The following TEKT5 variants were observed in gnomAD, a reference collection of about 807,000 sequenced individuals.
TEKT5 encodes the protein tektin-5.
In TEKT5, 52 loss-of-function variants were observed where a neutral mutation model predicts 48.7. That is an observed-to-expected ratio of 1.07 (90% CI 0.86 to 1.35). The LOEUF (loss-of-function observed/expected upper bound fraction) is 1.35, where lower values mean the gene tolerates loss of function less well. Among genes scored for constraint, TEKT5 ranks in the 40% most tolerant of loss-of-function variants. The pLI, the probability that TEKT5 is intolerant of heterozygous loss-of-function variation, is 0.00. For synonymous variants in TEKT5, 318 were observed against 267.6 expected (o/e 1.19, Z -1.84); for missense variants, 831 against 641.6 (o/e 1.30, Z -3.19).
At chr16:10,655,596 G>A (rs35037072) in intron 5 of TEKT5, among the ~76,000 whole-genome samples, 10,740 of 152,152 alleles carry the variant, frequency 0.071, 577 homozygotes, top group East Asian at 0.2. Flanking sequence ...CATTTTCCAG[G>A]CTCCCTTGTA....
chr16:10,651,677 C>T (rs1898162011), intron 5 of TEKT5, among the ~76,000 whole-genome samples: 2 of 152,100 alleles, frequency 1.3e-5, no homozygotes, highest in African/African-American at 4.8e-5. Flanking sequence ...CAAGGGTACA[C>T]AGCCGGGTGT....
At chr16:10,666,447 G>A (rs1010759701) in intron 5 of TEKT5, among the ~76,000 whole-genome samples, 2 of 152,186 alleles carry the variant, frequency 1.3e-5, no homozygotes, top group Admixed American at 6.5e-5. Context: ...CGTGTGGGAT[G>A]TTTAGCAGTA....
At chr16:10,672,865 T>A (rs1387647120) in intron 5 of TEKT5, among the ~76,000 whole-genome samples, 1 of 151,918 alleles carries the variant, frequency 6.6e-6, no homozygotes, top group Non-Finnish European at 1.5e-5. Context: ...TTTGTTTTTT[T>A]TTTTTGAGAC....
rs917688945 is a variant in TEKT5, at chr16:10,668,510, T to C, written c.1086+7449A>G. Among the ~76,000 whole-genome samples the C allele has an allele frequency of 2.0e-5, 3 of 152,098 alleles. No homozygotes were observed. In the East Asian group the frequency reaches 5.8e-4, roughly 29 times the overall value. The stretch of plus-strand genomic sequence containing the variant: ...GAATCGGCTGCAAAGCACAAAAGCA[T>C]TTCCCACTGCACAATGGGTTCCAGA... On this transcript the variant is annotated intron_variant, in intron 5 of 6. Transcript: ENST00000283025.
intron 5 of TEKT5, among the ~76,000 whole-genome samples, chr16:10,674,616 A>AG (rs1417582722): frequency 1.6e-4 from 9 of 57,476 alleles, no homozygotes; most frequent in African/African-American, 4.7e-4. Context: ...AGATCATCTC[A>AG]GAAAAAAAAA....
chr16:10,630,780 A>C (rs1897827549), intron 6 of TEKT5, among the ~76,000 whole-genome samples: 1 of 152,180 alleles, frequency 6.6e-6, no homozygotes, highest in Non-Finnish European at 1.5e-5. Flanking sequence ...GCACTTTGGG[A>C]GGCTGAGGCG....
intron 3 of TEKT5, among the ~76,000 whole-genome samples, chr16:10,685,567 G>C (rs986773894): frequency 2.0e-5 from 3 of 152,074 alleles, no homozygotes; most frequent in Non-Finnish European, 2.9e-5. Context: ...AAAGTGCTGG[G>C]ATTACAGACA....
At chr16:10,636,657 C>T (rs1897917190) in intron 5 of TEKT5, among the ~76,000 whole-genome samples, 1 of 150,516 alleles carries the variant, frequency 6.6e-6, no homozygotes, top group South Asian at 2.1e-4. Flanking sequence ...GCCAGTTTCA[C>T]TTCATCTGGG....
chr16:10,628,014 A>AT (rs5815592), intron 6 of TEKT5, among the ~76,000 whole-genome samples: 44,794 of 147,548 alleles, frequency 0.3, 7,128 homozygotes, highest in African/African-American at 0.4. Flanking sequence ...TAATTTTTGT[A>AT]TTTTTTTTTT....
intron 5 of TEKT5, among the ~76,000 whole-genome samples, chr16:10,651,587 A>G (rs1898156498): frequency 6.6e-6 from 1 of 152,190 alleles, no homozygotes; most frequent in African/African-American, 2.4e-5. Flanking sequence ...GGCTTTGCAT[A>G]TATTAGTCAA....
intron 5 of TEKT5, among the ~76,000 whole-genome samples, chr16:10,647,326 G>T (rs1898085557): frequency 6.6e-6 from 1 of 151,862 alleles, no homozygotes; most frequent in Non-Finnish European, 1.5e-5. Context: ...AAAAAAATAA[G>T]CCGGGCGTGG....
At chr16:10,685,239 G>A (rs1373320090) in intron 3 of TEKT5, among the ~76,000 whole-genome samples, 2 of 152,172 alleles carry the variant, frequency 1.3e-5, no homozygotes, top group South Asian at 2.1e-4. Flanking sequence ...CCTGCTGTCT[G>A]CCTCAGTTGC....
At chr16:10,674,988 C>T (rs1482165656) in intron 5 of TEKT5, among the ~76,000 whole-genome samples, 2 of 152,014 alleles carry the variant, frequency 1.3e-5, no homozygotes, top group Non-Finnish European at 2.9e-5. Flanking sequence ...CCACACCTGG[C>T]TAATTTTTTC....
intron 6 of TEKT5, among the ~76,000 whole-genome samples, chr16:10,630,350 C>G (rs1361153777): frequency 6.6e-6 from 1 of 152,008 alleles, no homozygotes; most frequent in Non-Finnish European, 1.5e-5. Context: ...ATCCTCCTGT[C>G]TCAGCCTCCC....
At chr16:10,638,025 T>C (rs1897940542) in intron 5 of TEKT5, among the ~76,000 whole-genome samples, 1 of 152,146 alleles carries the variant, frequency 6.6e-6, no homozygotes, top group East Asian at 1.9e-4. Flanking sequence ...TTGCTCAGAC[T>C]GGTCTCAAAC....
chr16:10,638,498 G>T (rs6498097), intron 5 of TEKT5, among the ~76,000 whole-genome samples: 60,633 of 152,158 alleles, frequency 0.4, 14,189 homozygotes, highest in African/African-American at 0.63. Flanking sequence ...CTAGAAATGA[G>T]GCAGTGATGT....
chr16:10,667,062 A>T (rs1898470919), intron 5 of TEKT5, among the ~76,000 whole-genome samples: 2 of 149,612 alleles, frequency 1.3e-5, no homozygotes, highest in Admixed American at 6.7e-5. Flanking sequence ...CAGCTCACCA[A>T]AGCCTTGGCC....
intron 1 of TEKT5, among the ~76,000 whole-genome samples, chr16:10,693,971 A>C (rs995455601): frequency 2.6e-5 from 4 of 152,190 alleles, no homozygotes; most frequent in African/African-American, 9.7e-5. Context: ...CTCTGTGTAA[A>C]AAATAAATAA....
intron 5 of TEKT5, among the ~76,000 whole-genome samples, chr16:10,656,231 A>T (rs1005714445): frequency 6.6e-6 from 1 of 152,124 alleles, no homozygotes; most frequent in African/African-American, 2.4e-5. Flanking sequence ...CCCCAGGTTG[A>T]GAACCACTGC....
Sources: allele counts gnomAD v4.1 joint callset (sites outside exome capture counted in the v4.1 genomes callset), GRCh38; gene constraint gnomAD v4.1.1; transcripts MANE v1.5; gene names NCBI Gene and HGNC (gene_info 2026-07-23, HGNC 2026-07-21).